The following MSH3 variants were observed in gnomAD, a reference collection of about 807,000 sequenced individuals.
MSH3 encodes the protein mutS homolog 3.
In MSH3, 106 loss-of-function variants were observed where a neutral mutation model predicts 123.3. The observed-to-expected ratio is 0.86, with a 90% CI of 0.73 to 1.01. The LOEUF (loss-of-function observed/expected upper bound fraction) is 1.01, where lower values mean the gene tolerates loss of function less well. MSH3 is among the 50% of genes least tolerant of loss of function. The probability of loss-of-function intolerance (pLI) is 0.00; values close to 1 mark genes in which losing one functional copy is unlikely to be tolerated. For synonymous variants in MSH3, 515 were observed against 481.4 expected, an observed-to-expected ratio of 1.07 and a Z score of -0.91; for missense variants, 1,459 against 1,347.6, an observed-to-expected ratio of 1.08 and a Z score of -1.29.
At chr5:80,766,054 C>A (rs1159730842) in intron 13 of MSH3, among the ~76,000 whole-genome samples, 1 of 151,986 alleles carries the variant, frequency 6.6e-6, no homozygotes, top group African/African-American at 2.4e-5. Flanking sequence ...TTCTTGTCCT[C>A]CAAATGTTTT....
At chr5:80,795,842 G>A (rs779462776) in intron 19 of MSH3, among the ~76,000 whole-genome samples, 19 of 152,052 alleles carry the variant, frequency 1.2e-4, no homozygotes, top group Non-Finnish European at 2.1e-4. Flanking sequence ...GCAAAACCCT[G>A]TCTCTACTAA....
intron 8 of MSH3, among the ~76,000 whole-genome samples, chr5:80,699,539 CAG>C (rs1170388272): frequency 9.6e-6 from 1 of 104,158 alleles, no homozygotes; most frequent in African/African-American, 4.0e-5. Flanking sequence ...GCCTGGGCAA[CAG>C]AGTACAACAC....
chr5:80,795,361 G>A (rs796262584), intron 19 of MSH3, among the ~76,000 whole-genome samples: 3 of 152,152 alleles, frequency 2.0e-5, no homozygotes, highest in Non-Finnish European at 2.9e-5. Context: ...ATAAACAACA[G>A]AAATTTATTC....
chr5:80,656,660 G>GCA (rs1359420180), intron 2 of MSH3, 129 bp downstream of exon 2: 1 of 1,262,700 alleles, frequency 7.9e-7, no homozygotes, highest in East Asian at 2.4e-5. Context: ...TTGTTCCTGA[G>GCA]CAGAGTGGCC....
rs180969219 is a variant in MSH3 at position 80,838,332 on chromosome 5, G to A, written c.2814-15798G>A. 1.2e-3 allele frequency among the ~76,000 whole-genome samples: 183 copies of A among 152,000 alleles called. 1 individual carries two copies. The highest frequency in any genetic ancestry group is 4.3e-3 in the African/African-American group (177 of 41,446). On this transcript the variant is annotated intron_variant, in intron 20 of 23. Transcript: ENST00000265081. ...AGACTCTGGCGTCAGACCGAGCCAG[G>A]TTTGAATCCTGACTCCATGACTGAC...
intron 10 of MSH3, among the ~76,000 whole-genome samples, chr5:80,739,133 G>C (rs1743567091): frequency 6.6e-6 from 1 of 152,164 alleles, no homozygotes; most frequent in Non-Finnish European, 1.5e-5. Flanking sequence ...TCTGATTAGG[G>C]CACTAACATG....
In MSH3 at chr5:80,689,319, A is replaced by G. The variant is rs6151677; in HGVS notation, c.1340+10226A>G. On this transcript the variant is annotated intron_variant, in intron 8 of 23. Coordinates refer to ENST00000265081, the MANE Select transcript of MSH3 (RefSeq NM_002439.5). ...AGATGTTTCTCAAATTTGGCCTACC[A>G]ACCTTTTAATTTACTACTTTGTGTT... is the stretch of plus-strand genomic sequence containing the variant. 6.2e-3 allele frequency among the ~76,000 whole-genome samples: 937 copies of G among 152,314 alleles called. 5 individuals carry two copies. The highest frequency in any genetic ancestry group is 0.011 in the Non-Finnish European group (719 of 68,018).
At chr5:80,668,722 CG>C (rs34370930) in intron 3 of MSH3, among the ~76,000 whole-genome samples, 1 of 152,048 alleles carries the variant, frequency 6.6e-6, no homozygotes, top group Non-Finnish European at 1.5e-5. Flanking sequence ...CAGAGATGCC[CG>C]GGTCCACAGC....
chr5:80,823,882 G>A (rs1745243009), intron 20 of MSH3, among the ~76,000 whole-genome samples: 2 of 152,152 alleles, frequency 1.3e-5, no homozygotes, highest in South Asian at 4.1e-4. Context: ...CTTGAGATTA[G>A]GGAGTGGTAA....
At chr5:80,672,651 A>G in intron 5 of MSH3, 90 bp from the exon 6 acceptor site, 2 of 1,051,886 alleles carry the variant, frequency 1.9e-6, no homozygotes, top group Non-Finnish European at 3.0e-6. Context: ...TATTTTAACC[A>G]TTTCAGAATT....
At chr5:80,724,775 G>T (rs537889834) in intron 8 of MSH3, among the ~76,000 whole-genome samples, 1 of 152,214 alleles carries the variant, frequency 6.6e-6, no homozygotes, top group African/African-American at 2.4e-5. Context: ...AACAAATAAC[G>T]TAATCAAATC....
chr5:80,822,093 C>T lies in MSH3; in HGVS notation c.2813+8352C>T, dbSNP rs1202018152. Among the ~76,000 whole-genome samples, 4 of 152,140 alleles carry T rather than the reference C, an allele frequency of 2.6e-5. No individual in the cohort carries two copies. The South Asian group carries it at 6.2e-4, about 24-fold the overall frequency. On this transcript the variant is annotated intron_variant, in intron 20 of 23. Coordinates refer to ENST00000265081, the MANE Select transcript of MSH3 (RefSeq NM_002439.5). ...AATTACCTGCAAAATGTGAGTAAAC[C>T]GGCTGTGTATGGGAAAGAATAGGGG...
At position 80,876,217 on chromosome 5, in the gene MSH3, C is replaced by G. The variant is rs41561315; in HGVS notation, c.*355C>G. 505 of 267,596 alleles carry G rather than the reference C, an allele frequency of 1.9e-3. 3 individuals are homozygous for G. The Middle Eastern group carries it at 0.019, about 10-fold the overall frequency. The allele number at this position is 267,596 out of a possible 1,614,324, so 16.6% of individuals were successfully genotyped here. A position where few individuals can be genotyped will look rare whatever the true frequency, so the allele number is the denominator to read the frequency against. ...TTGTTTCAGTTCAGATAATTGGCAACTGGGTGAATCTGGCAGGAATCTATC... is the reference window on the plus strand; with the variant it reads ...TTGTTTCAGTTCAGATAATTGGCAAGTGGGTGAATCTGGCAGGAATCTATC... On this transcript the variant is annotated 3_prime_UTR_variant, in exon 24 of 24. Coordinates refer to ENST00000265081, the MANE Select transcript of MSH3 (RefSeq NM_002439.5).
intron 21 of MSH3, among the ~76,000 whole-genome samples, chr5:80,858,788 T>A (rs1745961539): frequency 6.6e-6 from 1 of 152,190 alleles, no homozygotes; most frequent in Non-Finnish European, 1.5e-5. Context: ...TCTGTCTGTT[T>A]CAGATGGAGG....
chr5:80,758,054 A>G (rs1032005676), intron 12 of MSH3, among the ~76,000 whole-genome samples: 15 of 152,234 alleles, frequency 9.9e-5, no homozygotes, highest in Non-Finnish European at 1.9e-4. Context: ...TAATAGTTAC[A>G]TTGTGCTTTC....
intron 10 of MSH3, among the ~76,000 whole-genome samples, chr5:80,738,677 G>C (rs1743556724): frequency 6.6e-6 from 1 of 152,148 alleles, no homozygotes; most frequent in African/African-American, 2.4e-5. Flanking sequence ...GATAAAGGCA[G>C]TGAGCTGAGA....
Position 80,875,827 on chromosome 5 carries a change from A to G in MSH3, c.3379A>G (p.Asn1127Asp), listed in dbSNP as rs761782284. ...QDLQKWTEEF[N>D]MEETQTSLLH ...CCTGCAGAAGTGGACAGAGGAGTTC[A>G]ACATGGAAGAAACACAGACTTCTCT... The change falls in exon 24 of 24, where the codon AAC (asparagine) becomes GAC (aspartate). Residue 1127 changes from asparagine (N) to aspartate (D), a missense_variant. Coordinates refer to ENST00000265081, the MANE Select transcript of MSH3 (RefSeq NM_002439.5). 3 of 1,612,880 alleles carry G rather than the reference A, an allele frequency of 1.9e-6. No homozygotes were observed. The East Asian group carries it at 6.7e-5, about 36-fold the overall frequency.
intron 10 of MSH3, among the ~76,000 whole-genome samples, chr5:80,735,078 T>C (rs551590162): frequency 6.6e-6 from 1 of 152,280 alleles, no homozygotes; most frequent in African/African-American, 2.4e-5. Flanking sequence ...AAAAACATTC[T>C]ATGAAGTTTA....
chr5:80,827,239 C>T (rs1023566680), intron 20 of MSH3, among the ~76,000 whole-genome samples: 1 of 152,158 alleles, frequency 6.6e-6, no homozygotes, highest in African/African-American at 2.4e-5. Flanking sequence ...GGTGATTAAG[C>T]GTTGATGAAA....
Sources: allele counts gnomAD v4.1 joint callset (sites outside exome capture counted in the v4.1 genomes callset), GRCh38; gene constraint gnomAD v4.1.1; transcripts MANE v1.5; gene names NCBI Gene and HGNC (gene_info 2026-07-23, HGNC 2026-07-21).